Variants in SUPV3L1 observed in about 807,000 individuals in gnomAD.
The protein encoded by SUPV3L1 is ATP-dependent RNA helicase SUPV3L1, mitochondrial.
SUPV3L1 carries 35 observed loss-of-function variants against 70.0 expected under a neutral mutation model. The ratio of observed to expected loss-of-function variants is 0.50; its 90% CI spans 0.38 to 0.66. SUPV3L1 has a LOEUF of 0.66. SUPV3L1 is among the 30% of genes least tolerant of loss of function. The probability of loss-of-function intolerance (pLI) is 0.00; values close to 1 mark genes in which losing one functional copy is unlikely to be tolerated. For synonymous variants in SUPV3L1, 364 were observed against 341.9 expected, an observed-to-expected ratio of 1.06 and a Z score of -0.71; for missense variants, 777 against 961.5, an observed-to-expected ratio of 0.81 and a Z score of 2.54.
chr10:69,193,559 ATCC>A (rs1842457759), intron 6 of SUPV3L1, among the ~76,000 whole-genome samples: 1 of 151,456 alleles, frequency 6.6e-6, no homozygotes, highest in African/African-American at 2.4e-5. Context: ...GGCTCAAACA[ATCC>A]TCCTGCCTCA....
At chr10:69,198,618 T>A in intron 9 of SUPV3L1, 66 bp downstream of exon 9, 2 of 1,482,920 alleles carry the variant, frequency 1.3e-6, no homozygotes, top group Admixed American at 2.1e-5. Context: ...TGTTGAGATA[T>A]ATATAAAAAA....
In SUPV3L1 at chr10:69,203,103, A is replaced by G. The variant is rs1842727814; in HGVS notation, c.1776+60A>G. On this transcript the variant is annotated intron_variant, in intron 13 of 14. Coordinates refer to ENST00000359655, the MANE Select transcript of SUPV3L1 (RefSeq NM_003171.5). ...TCTGGTTGATGCAGGTTCCCCAAAC[A>G]GTACTTTGTTATTCAAAATAAAATA... 2.9e-5 allele frequency: 43 copies of G among 1,497,124 alleles called. 1 individual carries two copies. In the South Asian group the frequency reaches 5.5e-4, roughly 19 times the overall value. The allele number at this position is 1,497,124 out of a possible 1,614,324, so 92.7% of individuals were successfully genotyped here.
At chr10:69,186,250 T>C (rs1015842373) in intron 2 of SUPV3L1, among the ~76,000 whole-genome samples, 186 bp downstream of exon 2, 6 of 148,138 alleles carry the variant, frequency 4.1e-5, no homozygotes, top group African/African-American at 1.0e-4. Flanking sequence ...GCAGAGGAGC[T>C]GCAGCTGCGG....
chr10:69,186,338 A>G (rs530061320), intron 2 of SUPV3L1, 105 bp from the exon 3 acceptor site: 73 of 663,222 alleles, frequency 1.1e-4, no homozygotes, highest in Admixed American at 3.1e-4. Context: ...AAAAAAAAAA[A>G]AAAAAAGAAA....
chr10:69,197,663 G>A (rs1020770257), intron 8 of SUPV3L1, among the ~76,000 whole-genome samples: 1 of 152,200 alleles, frequency 6.6e-6, no homozygotes, highest in South Asian at 2.1e-4. Flanking sequence ...TCAGCCTCCT[G>A]GACTCAAGTG....
At chr10:69,182,399 A>G (rs575706384) in intron 1 of SUPV3L1, 1 of 506,744 alleles carries the variant, frequency 2.0e-6, no homozygotes, top group Admixed American at 6.4e-5. Flanking sequence ...AACTCAAACA[A>G]TAGTTTACCC....
chr10:69,208,947 A>G lies in SUPV3L1; in HGVS notation c.2273A>G (p.Gln758Arg). ...CAGCTAGAAAAAGAGTGGATGACAC[A>G]ACAAACTGAACACAACAAAGAAAAA... is the stretch of plus-strand genomic sequence containing the variant. ...LKQLEKEWMT[Q>R]QTEHNKEKTE... The change falls in exon 15 of 15, where the codon CAA (glutamine) becomes CGA (arginine). Residue 758 changes from glutamine to arginine, a missense_variant. Transcript: ENST00000359655. 1 of 1,614,200 alleles carries G rather than the reference A, an allele frequency of 6.2e-7. No individual in the cohort carries two copies. The highest frequency in any genetic ancestry group is 1.7e-5 in the Admixed American group (1 of 60,022).
At chr10:69,195,849 C>A (rs1307092532) in intron 7 of SUPV3L1, among the ~76,000 whole-genome samples, 1 of 152,066 alleles carries the variant, frequency 6.6e-6, no homozygotes, top group South Asian at 2.1e-4. Context: ...CTCAAGCAGT[C>A]CTCCCATCTC....
At chr10:69,187,514 A>G (rs1842265353) in intron 3 of SUPV3L1, 128 bp from the exon 4 acceptor site, 1 of 604,454 alleles carries the variant, frequency 1.7e-6, no homozygotes, top group Admixed American at 3.1e-5. Flanking sequence ...TACTGTGCCC[A>G]GAGAGGACTT....
In SUPV3L1 at chr10:69,209,048, GTT is replaced by G. The variant is rs35757450; in HGVS notation, c.*25_*26del. The G allele has an allele frequency of 3.8e-4, 516 of 1,361,688 alleles. No homozygotes were observed. The highest frequency in any genetic ancestry group is 1.0e-3 in the Middle Eastern group (4 of 3,976). The allele number at this position is 1,361,688 out of a possible 1,614,324, so 84.4% of individuals were successfully genotyped here. A position where few individuals can be genotyped will look rare whatever the true frequency, so the allele number is the denominator to read the frequency against. On this transcript the variant is annotated 3_prime_UTR_variant, in exon 15 of 15. Transcript: ENST00000359655. ...TGATTCGGACTAGTTTTCTGTTCCT[GTT>G]TTTTTTTTTTTATTTAATTTTGCAA...
At chr10:69,201,006 TTTAA>T (rs1481029638) in intron 11 of SUPV3L1, among the ~76,000 whole-genome samples, 1 of 152,184 alleles carries the variant, frequency 6.6e-6, no homozygotes. Context: ...ATAGTCAAAA[TTTAA>T]AGTTCCCTGG....
rs376034823 is a variant in SUPV3L1 at position 69,202,397 on chromosome 10, A to C, written c.1519-42A>C. The C allele has an allele frequency of 1.4e-5, 22 of 1,574,416 alleles. 1 individual carries two copies. Among genetic ancestry groups the C allele is most frequent in the East Asian group, 6.8e-5 (3 of 44,332 alleles). ...TTAAGAAAATTTGTCCTTTTTGAAAAAAAAAAAATCAGCTTATGATTGTTT... is the reference window on the plus strand; with the variant it reads ...TTAAGAAAATTTGTCCTTTTTGAAACAAAAAAAATCAGCTTATGATTGTTT... On this transcript the variant is annotated intron_variant, in intron 11 of 14. Transcript: ENST00000359655.
At chr10:69,194,639 T>C (rs1280213680) in intron 6 of SUPV3L1, among the ~76,000 whole-genome samples, 1 of 151,890 alleles carries the variant, frequency 6.6e-6, no homozygotes, top group Non-Finnish European at 1.5e-5. Context: ...TAGCTGGTCA[T>C]GGTGCTGCGT....
intron 11 of SUPV3L1, 34 bp from the exon 12 acceptor site, chr10:69,202,405 A>T (rs776197126): frequency 5.1e-6 from 8 of 1,575,066 alleles, no homozygotes; most frequent in East Asian, 4.5e-5. Flanking sequence ...AAAAAAAAAA[A>T]TCAGCTTATG....
intron 13 of SUPV3L1, among the ~76,000 whole-genome samples, chr10:69,207,073 A>G (rs577091895): frequency 2.0e-5 from 3 of 152,374 alleles, no homozygotes; most frequent in Admixed American, 6.5e-5. Context: ...TTGAGGTTAT[A>G]GGACTATTAC....
intron 1 of SUPV3L1, 104 bp from the exon 2 acceptor site, chr10:69,185,883 T>C: frequency 1.2e-6 from 1 of 818,190 alleles, no homozygotes; most frequent in Non-Finnish European, 2.1e-6. Context: ...CTTGCAACAC[T>C]CATTAGACTG....
At position 69,208,916 on chromosome 10, in the gene SUPV3L1, C is replaced by A; in HGVS notation, c.2242C>A (p.Leu748Met). 1.2e-6 allele frequency: 2 copies of A among 1,613,992 alleles called. No homozygotes were observed. Among genetic ancestry groups the A allele is most frequent in the South Asian group, 1.1e-5 (1 of 91,082 alleles). The part of the protein sequence containing the change: ...VQQGLLTPDM[L>M]KQLEKEWMTQ... Reference sequence around the variant, plus strand: ...GCAAGGACTCCTCACTCCAGACATGCTGAAACAGCTAGAAAAAGAGTGGAT... The same window carrying A: ...GCAAGGACTCCTCACTCCAGACATGATGAAACAGCTAGAAAAAGAGTGGAT... Residue 748 changes from leucine (L) to methionine (M), a missense_variant, in exon 15 of 15, where the codon CTG (leucine) becomes ATG (methionine). Leu to Met is a conservative substitution (Grantham distance 15). Coordinates refer to ENST00000359655, the MANE Select transcript of SUPV3L1 (RefSeq NM_003171.5).
chr10:69,185,443 G>T (rs1004604612), intron 1 of SUPV3L1, among the ~76,000 whole-genome samples: 3 of 150,928 alleles, frequency 2.0e-5, no homozygotes, highest in African/African-American at 7.3e-5. Context: ...ATCCCAGAGT[G>T]CATTGCTCAT....
intron 6 of SUPV3L1, among the ~76,000 whole-genome samples, chr10:69,194,716 C>T (rs542142340): frequency 2.7e-5 from 4 of 148,916 alleles, no homozygotes; most frequent in Admixed American, 6.6e-5. Context: ...TTTGAAGTTA[C>T]AGTGAGCTAT....
Sources: allele counts gnomAD v4.1 joint callset (sites outside exome capture counted in the v4.1 genomes callset), GRCh38; gene constraint gnomAD v4.1.1; transcripts MANE v1.5; gene names NCBI Gene and HGNC (gene_info 2026-07-23, HGNC 2026-07-21).